SYNE2: variants seen among roughly 807,000 people sequenced by gnomAD.
The protein encoded by SYNE2 is nesprin-2.
A neutral mutation model predicts 856.3 loss-of-function variants in SYNE2; 431 were observed. That is an observed-to-expected ratio of 0.50 (90% CI 0.47 to 0.55). The LOEUF (loss-of-function observed/expected upper bound fraction) is 0.55, where lower values mean the gene tolerates loss of function less well. Ranked by LOEUF, SYNE2 falls within the 20% of genes least tolerant of loss-of-function variation. The pLI is 0.00. For missense variants in SYNE2, 8,129 were observed against 8,023.2 expected (o/e 1.01, Z -0.50); for synonymous variants, 2,923 against 2,872.3 (o/e 1.02, Z -0.56).
chr14:64,164,342 C>A (rs910935987), intron 89 of SYNE2, among the ~76,000 whole-genome samples: 2 of 152,110 alleles, frequency 1.3e-5, no homozygotes, highest in South Asian at 2.1e-4. Context: ...AATCTCCTGA[C>A]CTCGTGATCC....
In SYNE2 at chr14:64,107,625, A is replaced by G. The variant is rs924307645; in HGVS notation, c.12609+18A>G. On this transcript the variant is annotated intron_variant, in intron 65 of 115. Coordinates refer to ENST00000555002, the MANE Select transcript of SYNE2 (RefSeq NM_182914.3). The stretch of plus-strand genomic sequence containing the variant: ...CAGAAGAGGTAAGTCCTGGTTGGTA[A>G]TAAGTAAACTGCTCAGATAGCTGGA... The G allele has an allele frequency of 6.3e-7, 1 of 1,586,670 alleles. No individual in the cohort carries two copies. The highest frequency in any genetic ancestry group is 1.7e-5 in the Admixed American group (1 of 59,990).
chr14:63,958,346 C>T (rs753779267), intron 8 of SYNE2, among the ~76,000 whole-genome samples: 10 of 152,152 alleles, frequency 6.6e-5, no homozygotes, highest in Non-Finnish European at 1.3e-4. Context: ...TTGACTGTGA[C>T]GGTTTCCCAG....
intron 99 of SYNE2, among the ~76,000 whole-genome samples, chr14:64,201,383 A>C (rs2098564181): frequency 6.6e-6 from 1 of 152,154 alleles, no homozygotes; most frequent in Non-Finnish European, 1.5e-5. Context: ...GCATTTGTGG[A>C]GAGCTTCCTG....
At chr14:64,219,104 G>GATTTTTTTTTT in intron 109 of SYNE2, 104 bp from the exon 110 acceptor site, 1 of 407,786 alleles carries the variant, frequency 2.5e-6, no homozygotes, top group Non-Finnish European at 4.0e-6. Context: ...CAGTTTTTTT[G>GATTTTTTTTTT]TTTTTTTTTT....
intron 115 of SYNE2, 84 bp from the exon 116 acceptor site, chr14:64,225,235 A>G (rs2098713744): frequency 1.9e-6 from 3 of 1,602,838 alleles, no homozygotes; most frequent in Admixed American, 3.3e-5. Context: ...TGGATTTCTT[A>G]CTTACATAAG....
rs2095853547 is a variant in SYNE2 at position 63,937,985 on chromosome 14, T to C, written c.80-2629T>C. Among the ~76,000 whole-genome samples the C allele has an allele frequency of 2.0e-5, 3 of 151,992 alleles. No individual in the cohort carries two copies. The East Asian group carries it at 5.8e-4, about 29-fold the overall frequency. On this transcript the variant is annotated intron_variant, in intron 2 of 115. Transcript: ENST00000555002. ...GGGGCACTAGAGTGAGTGAACTGAA[T>C]GGAGATGCATGAACTTGAGATCATG...
At chr14:64,094,709 G>A (rs57319207) in intron 61 of SYNE2, among the ~76,000 whole-genome samples, 358 of 152,232 alleles carry the variant, frequency 2.4e-3, no homozygotes, top group African/African-American at 8.2e-3. Context: ...ACTCAGTATT[G>A]TAAAAATATT....
chr14:64,144,344 G>A (rs2098164158), intron 83 of SYNE2, among the ~76,000 whole-genome samples: 1 of 152,166 alleles, frequency 6.6e-6, no homozygotes, highest in African/African-American at 2.4e-5. Context: ...CTTTTTGGTA[G>A]ATTTTTCACT....
chr14:63,762,032 T>C (rs1886504277), intron 1 of SYNE2: 1 of 496,856 alleles, frequency 2.0e-6, no homozygotes, highest in Admixed American at 2.1e-5. Flanking sequence ...TATAAGCTAG[T>C]CGTTCTTGAC....
chr14:63,892,392 G>A (rs1555364963), intron 1 of SYNE2, among the ~76,000 whole-genome samples: 1 of 150,744 alleles, frequency 6.6e-6, no homozygotes, highest in Non-Finnish European at 1.5e-5. Context: ...TTCCCTCAGA[G>A]CAGTTTTTTC....
intron 2 of SYNE2, among the ~76,000 whole-genome samples, chr14:63,925,922 C>T (rs925387764): frequency 2.6e-5 from 4 of 151,968 alleles, no homozygotes; most frequent in Admixed American, 6.6e-5. Flanking sequence ...GATGTGATCT[C>T]GGCTCACTGC....
In SYNE2 at chr14:64,209,798, C is replaced by T. The variant is rs556809487; in HGVS notation, c.18541-144C>T. ...ACTTGAAAGCCTGTTCTGTAGCTGG[C>T]ATCAGGACTGGTGAATTAGGCCCTC... is the stretch of plus-strand genomic sequence containing the variant. On this transcript the variant is annotated intron_variant, in intron 102 of 115. Coordinates refer to ENST00000555002, the MANE Select transcript of SYNE2 (RefSeq NM_182914.3). 5 of 1,204,896 alleles carry T rather than the reference C, an allele frequency of 4.1e-6. No homozygotes were observed. The African/African-American group carries it at 7.5e-5, about 18-fold the overall frequency. The allele number at this position is 1,204,896 out of a possible 1,614,324, so 74.6% of individuals were successfully genotyped here.
intron 76 of SYNE2, among the ~76,000 whole-genome samples, chr14:64,131,754 A>G (rs1038652842): frequency 6.6e-6 from 1 of 152,086 alleles, no homozygotes; most frequent in Non-Finnish European, 1.5e-5. Flanking sequence ...GCTGGCATCT[A>G]TCTTTTTGTA....
intron 112 of SYNE2, 106 bp downstream of exon 112, chr14:64,221,810 G>A: frequency 7.4e-7 from 1 of 1,347,682 alleles, no homozygotes; most frequent in African/African-American, 1.4e-5. Flanking sequence ...TGTGCCAGTG[G>A]TGTTTGCCTG....
chr14:63,951,645 A>G (rs1595845389), intron 7 of SYNE2, among the ~76,000 whole-genome samples: 2 of 152,176 alleles, frequency 1.3e-5, no homozygotes, highest in East Asian at 1.9e-4. Context: ...TCTATATTTT[A>G]TGAGAGCCAT....
intron 10 of SYNE2, among the ~76,000 whole-genome samples, chr14:63,967,053 A>G (rs535039704): frequency 9.4e-4 from 143 of 151,826 alleles, no homozygotes; most frequent in Non-Finnish European, 1.6e-3. Context: ...TTTAGTAGAG[A>G]CGGGGTTTCA....
Position 63,959,287 on chromosome 14 carries a change from C to CTT in SYNE2, c.788-2213_788-2212dup, listed in dbSNP as rs34198434. ...CCATATTCTTTTTTCTTTTCTTCTT[C>CTT]TTTTTTTTTTTTTTTTTTTTTTTTT... On this transcript the variant is annotated intron_variant, in intron 8 of 115. Transcript: ENST00000555002. Among the ~76,000 whole-genome samples the CTT allele has an allele frequency of 1.7e-3, 135 of 81,380 alleles. 8 individuals are homozygous for CTT. Among genetic ancestry groups the CTT allele is most frequent in the African/African-American group, 2.4e-3 (46 of 19,164 alleles). 53.4% of individuals were successfully genotyped at this position (81,380 alleles called of 152,430 possible). A position where few individuals can be genotyped will look rare whatever the true frequency, so the allele number is the denominator to read the frequency against.
chr14:64,190,592 C>G, intron 99 of SYNE2: 2 of 702,074 alleles, frequency 2.8e-6, no homozygotes, highest in South Asian at 3.0e-5. Context: ...GCCCGTTGCT[C>G]CTGCCTCAGT....
intron 66 of SYNE2, among the ~76,000 whole-genome samples, chr14:64,118,862 GA>G (rs1174672336): frequency 0.015 from 982 of 67,632 alleles, 9 homozygotes; most frequent in African/African-American, 0.043. Flanking sequence ...CTCCGTCTCA[GA>G]AAAAAAAAAA....
Sources: gnomAD v4.1 joint callset for allele counts (sites outside exome capture counted in the v4.1 genomes callset) on GRCh38, gnomAD v4.1.1 for gene constraint, MANE v1.5 for transcripts, NCBI Gene and HGNC (gene_info 2026-07-23, HGNC 2026-07-21) for gene names.